Variants in ZFAT observed in about 807,000 individuals in gnomAD.
ZFAT encodes the protein zinc finger and AT-hook domain containing, also known as zinc finger protein ZFAT.
A neutral mutation model predicts 117.7 loss-of-function variants in ZFAT; 64 were observed. The ratio of observed to expected loss-of-function variants is 0.54; its 90% CI spans 0.44 to 0.67. The LOEUF is 0.67. Among genes scored for constraint, ZFAT ranks in the 30% least tolerant of loss-of-function variants. ZFAT has a pLI of 0.00. For missense variants in ZFAT, 1,433 were observed against 1,584.5 expected (o/e 0.90, Z 1.62); for synonymous variants, 679 against 615.0 (o/e 1.10, Z -1.54).
At chr8:134,759,750 T>C in the ZFAT span, among the ~76,000 whole-genome samples, 1,446 of 151,916 alleles carry the variant, frequency 9.5e-3, 10 homozygotes, top group Middle Eastern at 0.017. Flanking sequence ...CTGAGGCAAG[T>C]AGATCACCTG....
the ZFAT span, among the ~76,000 whole-genome samples, chr8:134,724,984 T>C: frequency 2.0e-5 from 3 of 152,134 alleles, no homozygotes; most frequent in Non-Finnish European, 2.9e-5. Flanking sequence ...CTCTGCAGGT[T>C]CTTTAAAGCC....
intron 1 of ZFAT, chr8:134,696,601 C>T (rs1019493887): frequency 1.2e-5 from 12 of 986,066 alleles, no homozygotes; most frequent in Non-Finnish European, 1.3e-5. Flanking sequence ...CTGGCACCAC[C>T]CACCCGCGCT....
chr8:134,513,591 C>T (rs1045519572), intron 13 of ZFAT, among the ~76,000 whole-genome samples: 7 of 152,162 alleles, frequency 4.6e-5, no homozygotes, highest in East Asian at 1.9e-4. Context: ...ACAGGTACCT[C>T]GTGCCTCAAA....
intron 10 of ZFAT, among the ~76,000 whole-genome samples, chr8:134,580,061 A>T (rs983777011): frequency 3.9e-5 from 6 of 151,930 alleles, no homozygotes; most frequent in African/African-American, 1.5e-4. Flanking sequence ...GAGGCAGGGC[A>T]GCCAGGAGAG....
the ZFAT span, among the ~76,000 whole-genome samples, chr8:134,827,781 A>G: frequency 5.3e-5 from 8 of 151,910 alleles, no homozygotes; most frequent in African/African-American, 1.9e-4. Context: ...AAAAAAAAAA[A>G]AAAATTCTAG....
In ZFAT at chr8:134,561,217, G is replaced by T. The variant is rs565981005; in HGVS notation, c.2976+4116C>A. Reference sequence around the variant, plus strand: ...ACACTATGATAATCATCCTTAAGCAGCCATTAAAACTAGTTTATAAATACA... The same window carrying T: ...ACACTATGATAATCATCCTTAAGCATCCATTAAAACTAGTTTATAAATACA... On this transcript the variant is annotated intron_variant, in intron 11 of 15. Coordinates refer to ENST00000377838, the MANE Select transcript of ZFAT (RefSeq NM_020863.4). 3.7e-4 allele frequency among the ~76,000 whole-genome samples: 56 copies of T among 152,156 alleles called. 1 individual carries two copies. Among genetic ancestry groups the T allele is most frequent in the Non-Finnish European group, 6.0e-4 (41 of 68,032 alleles).
chr8:134,663,802 C>T (rs961459250), intron 1 of ZFAT, among the ~76,000 whole-genome samples: 1 of 152,132 alleles, frequency 6.6e-6, no homozygotes, highest in Non-Finnish European at 1.5e-5. Flanking sequence ...ATTTAAAAAT[C>T]GGAAACACTG....
intron 11 of ZFAT, among the ~76,000 whole-genome samples, chr8:134,543,132 G>A (rs1050387894): frequency 6.8e-6 from 1 of 146,192 alleles, no homozygotes; most frequent in Non-Finnish European, 1.5e-5. Context: ...GCACAGAAGA[G>A]ATAGGGTAAC....
At chr8:134,587,182 T>G (rs966470625) in intron 9 of ZFAT, among the ~76,000 whole-genome samples, 1 of 152,126 alleles carries the variant, frequency 6.6e-6, no homozygotes, top group Non-Finnish European at 1.5e-5. Context: ...GGAGTGAACA[T>G]TTGACACAAA....
At chr8:134,805,857 G>C in the ZFAT span, among the ~76,000 whole-genome samples, 2 of 151,978 alleles carry the variant, frequency 1.3e-5, no homozygotes, top group Admixed American at 1.3e-4. Flanking sequence ...TGGTGCATGC[G>C]GTCCCAGCTA....
intron 2 of ZFAT, among the ~76,000 whole-genome samples, chr8:134,639,559 A>G (rs1335279645): frequency 1.3e-5 from 2 of 152,240 alleles, no homozygotes; most frequent in Non-Finnish European, 2.9e-5. Flanking sequence ...GATTTAAACA[A>G]GGAGAAAAAA....
chr8:134,763,124 G>A, the ZFAT span, among the ~76,000 whole-genome samples: 3 of 151,830 alleles, frequency 2.0e-5, no homozygotes, highest in African/African-American at 7.3e-5. Flanking sequence ...AAATGTGAAG[G>A]GGCTTGTGAT....
chr8:134,817,412 C>CAA, the ZFAT span, among the ~76,000 whole-genome samples: 43 of 115,510 alleles, frequency 3.7e-4, no homozygotes, highest in Middle Eastern at 7.5e-3. Context: ...CACACACACA[C>CAA]ACACACACAC....
the ZFAT span, among the ~76,000 whole-genome samples, chr8:134,829,863 G>C: frequency 1.3e-5 from 2 of 151,888 alleles, no homozygotes; most frequent in Non-Finnish European, 2.9e-5. Flanking sequence ...AGAAATACTA[G>C]AAAAATTGAA....
intron 1 of ZFAT, among the ~76,000 whole-genome samples, chr8:134,674,489 C>T (rs926247173): frequency 1.3e-5 from 2 of 152,210 alleles, no homozygotes; most frequent in African/African-American, 2.4e-5. Flanking sequence ...CCAGGAAGTT[C>T]GAACTGCATG....
chr8:134,572,762 C>A lies in ZFAT; in HGVS notation c.2888-7341G>T, dbSNP rs901536633. On this transcript the variant is annotated intron_variant, in intron 10 of 15. Coordinates refer to ENST00000377838, the MANE Select transcript of ZFAT (RefSeq NM_020863.4). Reference sequence around the variant, plus strand: ...TTTTTGGAGAAACACTCTTGCAGAACACATGCTCCAAGCTGACTGCAAGAA... The same window carrying A: ...TTTTTGGAGAAACACTCTTGCAGAAAACATGCTCCAAGCTGACTGCAAGAA... Among the ~76,000 whole-genome samples, 3 of 151,666 alleles carry A rather than the reference C, an allele frequency of 2.0e-5. No individual in the cohort carries two copies. In the South Asian group the frequency reaches 6.2e-4, roughly 32 times the overall value.
intron 1 of ZFAT, among the ~76,000 whole-genome samples, chr8:134,695,039 G>A (rs1833757286): frequency 6.6e-6 from 1 of 152,166 alleles, no homozygotes; most frequent in African/African-American, 2.4e-5. Context: ...CAGGATGGTC[G>A]CACCGCAAAC....
chr8:134,818,540 C>T, the ZFAT span, among the ~76,000 whole-genome samples: 1 of 152,166 alleles, frequency 6.6e-6, no homozygotes, highest in Non-Finnish European at 1.5e-5. Context: ...TAAGAAGAAA[C>T]TAGGTAGGTA....
intron 2 of ZFAT, among the ~76,000 whole-genome samples, chr8:134,647,537 G>A (rs1481549941): frequency 6.6e-6 from 1 of 152,144 alleles, no homozygotes; most frequent in East Asian, 1.9e-4. Flanking sequence ...GAGTAGTTAG[G>A]TAAGCAAAAA....
Sources: allele counts gnomAD v4.1 joint callset (sites outside exome capture counted in the v4.1 genomes callset), GRCh38; gene constraint gnomAD v4.1.1; transcripts MANE v1.5; gene names NCBI Gene and HGNC (gene_info 2026-07-23, HGNC 2026-07-21).